Variants in AKR1C3 observed in about 807,000 individuals in gnomAD.
The protein encoded by AKR1C3 is 3-alpha hydroxysteroid dehydrogenase, type II.
AKR1C3 carries 48 observed loss-of-function variants against 43.6 expected under a neutral mutation model. That is an observed-to-expected ratio of 1.10 (90% CI 0.87 to 1.40). The LOEUF is 1.40. AKR1C3 is among the 40% of genes most tolerant of loss of function. The probability of loss-of-function intolerance (pLI) is 0.00; values close to 1 mark genes in which losing one functional copy is unlikely to be tolerated. For missense variants in AKR1C3, 482 were observed against 391.2 expected, an observed-to-expected ratio of 1.23 and a Z score of -1.96; for synonymous variants, 162 against 139.6, an observed-to-expected ratio of 1.16 and a Z score of -1.13.
chr10:5,082,788 A>C lies in AKR1C3; in HGVS notation c.85-13622A>C, dbSNP rs372823266. ...TGTTCTGTTTTTGCCTGATTTTGGTATCAGGATGATACTAGTTTAGTAGAA... is the reference window on the plus strand; with the variant it reads ...TGTTCTGTTTTTGCCTGATTTTGGTCTCAGGATGATACTAGTTTAGTAGAA... On this transcript the variant is annotated intron_variant, in intron 1 of 8. Transcript: ENST00000439082. Among the ~76,000 whole-genome samples the C allele has an allele frequency of 6.6e-4, 100 of 152,282 alleles. No individual in the cohort carries two copies. In the South Asian group the frequency reaches 0.02, roughly 31 times the overall value.
intron 1 of AKR1C3, among the ~76,000 whole-genome samples, chr10:5,089,291 T>C (rs1554783721): frequency 6.6e-6 from 1 of 152,148 alleles, no homozygotes; most frequent in African/African-American, 2.4e-5. Flanking sequence ...TCTAAATGTC[T>C]ATCAGGATAA....
chr10:5,053,194 G>C (rs1424387422), intron 1 of AKR1C3, among the ~76,000 whole-genome samples: 1 of 152,250 alleles, frequency 6.6e-6, no homozygotes, highest in Admixed American at 6.5e-5. Context: ...CGTGGAGCAG[G>C]GGGCAGCGCT....
In AKR1C3 at chr10:5,054,749, T is replaced by C. The variant is rs1588329713; in HGVS notation, c.84+5854T>C. Among the ~76,000 whole-genome samples the C allele has an allele frequency of 7.2e-5, 11 of 152,180 alleles. No individual in the cohort carries two copies. The South Asian group carries it at 2.3e-3, about 32-fold the overall frequency. ...ACTCTGTTTCCTCTCTCTCCTTCTC[T>C]TTGTCTCCCTGTTTCTGTCTCTGTC... On this transcript the variant is annotated intron_variant, in intron 1 of 8. Coordinates refer to the AKR1C3 transcript ENST00000439082.
In AKR1C3 at chr10:5,107,482, T is replaced by C. The variant is rs782330931; in HGVS notation, c.951T>C (p.Tyr317=). The part of the protein sequence containing the change: ...NSDSFASHPN[Y]PYSDEY ...TCAGTTTTGCTAGCCACCCTAATTA[T>C]CCATATTCAGATGAATATTAACATG... The change falls in exon 9 of 9, where the codon TAT becomes TAC. Residue 317 remains tyrosine (Y), a synonymous_variant. Coordinates refer to ENST00000380554, the MANE Select transcript of AKR1C3 (RefSeq NM_003739.6). 5 of 1,586,186 alleles carry C rather than the reference T, an allele frequency of 3.2e-6. No individual in the cohort carries two copies. The highest frequency in any genetic ancestry group is 3.5e-6 in the Non-Finnish European group (4 of 1,155,052).
intron 1 of AKR1C3, among the ~76,000 whole-genome samples, chr10:5,057,645 C>T (rs1554779760): frequency 6.6e-6 from 1 of 152,122 alleles, no homozygotes; most frequent in African/African-American, 2.4e-5. Context: ...TCTAATTCTC[C>T]TTAGTCCTTC....
chr10:5,054,142 G>GTC (rs1257726842), intron 1 of AKR1C3, among the ~76,000 whole-genome samples: 293 of 152,350 alleles, frequency 1.9e-3, no homozygotes, highest in African/African-American at 6.6e-3. Flanking sequence ...CCCTAAGAAG[G>GTC]TGCAGAGTCC....
chr10:5,107,400 C>A (rs1839534202), intron 8 of AKR1C3, 61 bp from the exon 9 acceptor site: 1 of 1,221,118 alleles, frequency 8.2e-7, no homozygotes. Flanking sequence ...ATTGAAATCA[C>A]TTTACTACTC....
At chr10:5,101,585 A>C (rs1371167951) in intron 5 of AKR1C3, among the ~76,000 whole-genome samples, 1 of 152,104 alleles carries the variant, frequency 6.6e-6, no homozygotes, top group Non-Finnish European at 1.5e-5. Flanking sequence ...ATTACTCTGG[A>C]CTTGGACATT....
intron 1 of AKR1C3, among the ~76,000 whole-genome samples, chr10:5,056,356 T>A (rs111828787): frequency 9.2e-4 from 140 of 152,238 alleles, no homozygotes; most frequent in African/African-American, 3.2e-3. Flanking sequence ...CTTCCTCTAG[T>A]ATTTGAGAGA....
At position 5,048,861 on chromosome 10, in the gene AKR1C3, C is replaced by G. The variant is rs782045836; in HGVS notation, c.50C>G (p.Pro17Arg). The G allele has an allele frequency of 3.1e-6, 5 of 1,613,962 alleles. No homozygotes were observed. The Admixed American group carries it at 6.7e-5, about 22-fold the overall frequency. Reference sequence around the variant, plus strand: ...AAGCTAAATGATGGTCACTTCATGCCTGTCCTGGGATTTGGCACCTATGCA... The same window carrying G: ...AAGCTAAATGATGGTCACTTCATGCGTGTCCTGGGATTTGGCACCTATGCA... The change falls in exon 1 of 9, where the codon CCT becomes CGT. Residue 17 changes from proline (P) to arginine (R), a missense_variant. Coordinates refer to the AKR1C3 transcript ENST00000439082.
In AKR1C3 at chr10:5,102,545, G is replaced by C. The variant is rs1283815874; in HGVS notation, c.741G>C (p.Lys247Asn). 2 of 1,574,206 alleles carry C rather than the reference G, an allele frequency of 1.3e-6. No homozygotes were observed. The highest frequency in any genetic ancestry group is 4.5e-5 in the East Asian group (2 of 44,196). Residue 247 changes from lysine (K) to asparagine (N), a missense_variant, in exon 7 of 9, where the codon AAG becomes AAC. Coordinates refer to ENST00000380554, the MANE Select transcript of AKR1C3 (RefSeq NM_003739.6). ...EDPVLCALAKKHKRTPALIAL... is the reference protein window; with the variant it reads ...EDPVLCALAKNHKRTPALIAL... Reference sequence around the variant, plus strand: ...CAGTCCTTTGTGCCTTGGCAAAAAAGCACAAGCGAACCCCAGCCCTGATTG... The same window carrying C: ...CAGTCCTTTGTGCCTTGGCAAAAAACCACAAGCGAACCCCAGCCCTGATTG...
Position 5,052,021 on chromosome 10 carries a change from G to C in AKR1C3, c.84+3126G>C, listed in dbSNP as rs1290854354. Among the ~76,000 whole-genome samples the C allele has an allele frequency of 7.2e-5, 11 of 152,316 alleles. No homozygotes were observed. The East Asian group carries it at 2.1e-3, about 29-fold the overall frequency. ...GGGTTCTTGGTCTCACTGACTTCAA[G>C]AATGAAGCCGTGGACCCTCGCAGTG... On this transcript the variant is annotated intron_variant, in intron 1 of 8. Coordinates refer to the AKR1C3 transcript ENST00000439082.
At chr10:5,064,226 G>A (rs1262339743) in intron 1 of AKR1C3, among the ~76,000 whole-genome samples, 1 of 152,146 alleles carries the variant, frequency 6.6e-6, no homozygotes, top group Non-Finnish European at 1.5e-5. Flanking sequence ...TACTAGTACA[G>A]AAGCAGGCCC....
intron 1 of AKR1C3, among the ~76,000 whole-genome samples, chr10:5,061,993 A>G (rs1838392582): frequency 6.6e-6 from 1 of 152,236 alleles, no homozygotes; most frequent in East Asian, 1.9e-4. Context: ...AAATTGCACA[A>G]AGTTTTCAAA....
rs782155823 is a variant in AKR1C3 at position 5,099,323 on chromosome 10, A to C, written c.448-4A>C. 9 of 1,614,052 alleles carry C rather than the reference A, an allele frequency of 5.6e-6. No individual in the cohort carries two copies. The highest frequency in any genetic ancestry group is 7.6e-6 in the Non-Finnish European group (9 of 1,180,010). On this transcript the variant is annotated splice_polypyrimidine_tract_variant and splice_region_variant and intron_variant, in intron 4 of 8. Transcript: ENST00000380554. ...ATAATTCCTCACAACCCCTTTCTCC[A>C]CAGGCCATGGAGAAGTGTAAGGATG...
chr10:5,067,381 G>T (rs1554780882), intron 1 of AKR1C3, among the ~76,000 whole-genome samples: 1 of 152,114 alleles, frequency 6.6e-6, no homozygotes, highest in Non-Finnish European at 1.5e-5. Context: ...TACCTTAAGG[G>T]CTCCAATGAG....
At chr10:5,059,807 T>TG (rs1359234458) in intron 1 of AKR1C3, among the ~76,000 whole-genome samples, 4 of 152,074 alleles carry the variant, frequency 2.6e-5, no homozygotes, top group Non-Finnish European at 4.4e-5. Flanking sequence ...TCTCACCCCT[T>TG]GGCAATAGGT....
rs1218071503 is a variant in AKR1C3 at position 5,102,155 on chromosome 10, A to G, written c.625A>G (p.Lys209Glu). 1 of 1,614,106 alleles carries G rather than the reference A, an allele frequency of 6.2e-7. No homozygotes were observed. Among genetic ancestry groups the G allele is most frequent in the African/African-American group, 1.3e-5 (1 of 75,034 alleles). Residue 209 changes from lysine to glutamate, a missense_variant, in exon 6 of 9, where the codon AAA becomes GAA. Transcript: ENST00000380554. ...RSKLLDFCKS[K>E]DIVLVAYSAL... ...TAAATTGCTAGATTTCTGCAAGTCG[A>G]AAGATATTGTTCTGGTTGCCTATAG...
intron 7 of AKR1C3, among the ~76,000 whole-genome samples, chr10:5,104,641 T>C (rs976813692): frequency 8.5e-5 from 13 of 152,204 alleles, no homozygotes; most frequent in Non-Finnish European, 1.2e-4. Flanking sequence ...TTGGTTGATA[T>C]TGTATTGAAA....
Sources: gnomAD v4.1 joint callset for allele counts (sites outside exome capture counted in the v4.1 genomes callset) on GRCh38, gnomAD v4.1.1 for gene constraint, MANE v1.5 for transcripts, NCBI Gene and HGNC (gene_info 2026-07-23, HGNC 2026-07-21) for gene names.